RCAN2: variants seen among roughly 807,000 people sequenced by gnomAD.
The protein encoded by RCAN2 is regulator of calcineurin 2.
Under a neutral mutation model 23.6 loss-of-function variants are expected in RCAN2, and 9 were observed. The observed-to-expected ratio is 0.38, with a 90% confidence interval of 0.23 to 0.67. The LOEUF (loss-of-function observed/expected upper bound fraction) is 0.67, where lower values mean the gene tolerates loss of function less well. Ranked by LOEUF, RCAN2 falls within the 30% of genes least tolerant of loss-of-function variation. The pLI is 0.51. For missense variants in RCAN2, 273 were observed against 302.3 expected (o/e 0.90, Z 0.72); for synonymous variants, 109 against 115.7 (o/e 0.94, Z 0.37).
intron 2 of RCAN2, among the ~76,000 whole-genome samples, chr6:46,297,960 GA>G (rs1160797786): frequency 6.6e-6 from 1 of 152,088 alleles, no homozygotes; most frequent in African/African-American, 2.4e-5. Flanking sequence ...AAATGGAACT[GA>G]AACACTTTGA....
At chr6:46,324,487 T>C (rs1460482262) in intron 2 of RCAN2, among the ~76,000 whole-genome samples, 3 of 152,230 alleles carry the variant, frequency 2.0e-5, no homozygotes, top group Admixed American at 6.5e-5. Context: ...TAAATGATTA[T>C]GCAATGTAAT....
intron 1 of RCAN2, among the ~76,000 whole-genome samples, chr6:46,465,213 G>A (rs909753924): frequency 6.6e-6 from 1 of 152,020 alleles, no homozygotes; most frequent in Non-Finnish European, 1.5e-5. Context: ...GGGGTGTGAG[G>A]GTGACAAAGT....
At chr6:46,415,490 C>T (rs1766687000) in intron 2 of RCAN2, among the ~76,000 whole-genome samples, 1 of 152,132 alleles carries the variant, frequency 6.6e-6, no homozygotes, top group Admixed American at 6.6e-5. Context: ...CTCAGTAGCA[C>T]ATGTGAGTGA....
At chr6:46,281,893 C>T (rs1245159879) in intron 2 of RCAN2, among the ~76,000 whole-genome samples, 1 of 152,102 alleles carries the variant, frequency 6.6e-6, no homozygotes, top group Non-Finnish European at 1.5e-5. Flanking sequence ...TCCAAGGTCA[C>T]ACAGTTAATA....
At chr6:46,400,805 A>G (rs1766227415) in intron 2 of RCAN2, among the ~76,000 whole-genome samples, 1 of 152,172 alleles carries the variant, frequency 6.6e-6, no homozygotes. Context: ...TAGCCCTAAC[A>G]TTTGTAAGAA....
intron 2 of RCAN2, among the ~76,000 whole-genome samples, chr6:46,363,746 T>A (rs145587291): frequency 0.017 from 2,597 of 152,254 alleles, 54 homozygotes; most frequent in South Asian, 0.12. Flanking sequence ...GAGGTATAAC[T>A]ATAAAGTATG....
At chr6:46,415,714 A>G (rs1766693902) in intron 2 of RCAN2, among the ~76,000 whole-genome samples, 1 of 152,178 alleles carries the variant, frequency 6.6e-6, no homozygotes, top group Admixed American at 6.5e-5. Context: ...AAAAATTAAT[A>G]AATAAACTAG....
In RCAN2 at chr6:46,341,030, G is replaced by A. The variant is rs149044924; in HGVS notation, c.226-92134C>T. Among the ~76,000 whole-genome samples, 111 of 152,238 alleles carry A rather than the reference G, an allele frequency of 7.3e-4. 1 individual carries two copies. In the East Asian group the frequency reaches 0.019, roughly 26 times the overall value. On this transcript the variant is annotated intron_variant, in intron 2 of 4. Coordinates refer to ENST00000371374, the MANE Select transcript of RCAN2 (RefSeq NM_001251974.2). ...AGAAATGAGCATGAAAGCAAAACTGGTAAAATGAATGAGGTCAGAAAAAAT... is the reference window on the plus strand; with the variant it reads ...AGAAATGAGCATGAAAGCAAAACTGATAAAATGAATGAGGTCAGAAAAAAT...
chr6:46,481,740 T>C (rs1002962962), intron 1 of RCAN2, among the ~76,000 whole-genome samples: 9 of 150,602 alleles, frequency 6.0e-5, no homozygotes, highest in Admixed American at 2.0e-4. Context: ...TGGGGTTCTC[T>C]AATAAGTAGC....
At chr6:46,279,723 C>T (rs1010275311) in intron 2 of RCAN2, among the ~76,000 whole-genome samples, 2 of 152,190 alleles carry the variant, frequency 1.3e-5, no homozygotes, top group African/African-American at 4.8e-5. Context: ...ACTTTTTGAT[C>T]TGCCACTTAC....
intron 2 of RCAN2, chr6:46,325,916 CAG>C: frequency 1.0e-6 from 1 of 983,728 alleles, no homozygotes; most frequent in Non-Finnish European, 1.2e-6. Context: ...AATCTGACAC[CAG>C]AGTTTCTTCT....
intron 1 of RCAN2, among the ~76,000 whole-genome samples, chr6:46,457,667 C>A (rs76159544): frequency 6.6e-6 from 1 of 152,178 alleles, no homozygotes; most frequent in Admixed American, 6.5e-5. Context: ...ACACACCACA[C>A]ACACACACCT....
chr6:46,402,289 T>A (rs1766267908), intron 2 of RCAN2, among the ~76,000 whole-genome samples: 2 of 152,088 alleles, frequency 1.3e-5, no homozygotes, highest in African/African-American at 4.8e-5. Flanking sequence ...TATATATGTG[T>A]GTGTTGTGTG....
At chr6:46,405,452 C>T (rs1272176105) in intron 2 of RCAN2, among the ~76,000 whole-genome samples, 1 of 152,106 alleles carries the variant, frequency 6.6e-6, no homozygotes, top group African/African-American at 2.4e-5. Context: ...TTTGTCAGGG[C>T]ACTGATTGGT....
chr6:46,461,001 T>C (rs1249528386), intron 1 of RCAN2, among the ~76,000 whole-genome samples: 1 of 152,194 alleles, frequency 6.6e-6, no homozygotes, highest in African/African-American at 2.4e-5. Flanking sequence ...CTAGCTAAAA[T>C]TTAATAATCT....
At chr6:46,284,168 T>C (rs975189267) in intron 2 of RCAN2, among the ~76,000 whole-genome samples, 1 of 149,136 alleles carries the variant, frequency 6.7e-6, no homozygotes, top group Non-Finnish European at 1.5e-5. Flanking sequence ...GGGCAGAAAA[T>C]TTGTACCTTC....
intron 2 of RCAN2, among the ~76,000 whole-genome samples, chr6:46,453,762 C>T (rs1293530484): frequency 6.6e-6 from 1 of 152,086 alleles, no homozygotes; most frequent in Admixed American, 6.6e-5. Context: ...GGTTTAATTC[C>T]TACCCAACTA....
Position 46,374,551 on chromosome 6 carries a change from C to T in RCAN2, c.225+82201G>A, listed in dbSNP as rs57128080. 9.0e-3 allele frequency among the ~76,000 whole-genome samples: 1,368 copies of T among 152,198 alleles called. 21 individuals carry two copies. Among genetic ancestry groups the T allele is most frequent in the African/African-American group, 0.031 (1,303 of 41,506 alleles). ...GGTTAAAATATGAGGCTGATGGCAA[C>T]GCTTAACCATTTGTAGCCCTATGGA... is the stretch of plus-strand genomic sequence containing the variant. On this transcript the variant is annotated intron_variant, in intron 2 of 4. Transcript: ENST00000371374.
At chr6:46,388,797 T>A (rs1450667011) in intron 2 of RCAN2, among the ~76,000 whole-genome samples, 1 of 152,042 alleles carries the variant, frequency 6.6e-6, no homozygotes, top group Non-Finnish European at 1.5e-5. Flanking sequence ...GGGGCCTGTG[T>A]TGGGGAGCCG....
Sources: allele counts gnomAD v4.1 joint callset (sites outside exome capture counted in the v4.1 genomes callset), GRCh38; gene constraint gnomAD v4.1.1; transcripts MANE v1.5; gene names NCBI Gene and HGNC (gene_info 2026-07-23, HGNC 2026-07-21).